HS6ST3: variants seen among roughly 807,000 people sequenced by gnomAD.
HS6ST3 encodes the protein heparan sulfate 6-O-sulfotransferase 3.
A neutral mutation model predicts 36.7 loss-of-function variants in HS6ST3; 12 were observed. The observed-to-expected ratio is 0.33, with a 90% CI of 0.21 to 0.53. The LOEUF is 0.53. HS6ST3 is among the 20% of genes least tolerant of loss of function. The pLI is 0.95. For missense variants in HS6ST3, 584 were observed against 640.9 expected (o/e 0.91, Z 0.96); for synonymous variants, 240 against 257.5 (o/e 0.93, Z 0.65).
rs138693567 is a variant in HS6ST3 at position 96,335,069 on chromosome 13, C to T, written c.707+243500C>T. On this transcript the variant is annotated intron_variant, in intron 1 of 1. Transcript: ENST00000376705. ...GGCTGGGGGCTGGTGGGCATCTTGA[C>T]CTCCCATGGAGGCTGAGGATCTTGT... Among the ~76,000 whole-genome samples, 502 of 152,190 alleles carry T rather than the reference C, an allele frequency of 3.3e-3. 3 individuals carry two copies. Among genetic ancestry groups the T allele is most frequent in the African/African-American group, 0.012 (481 of 41,532 alleles).
At chr13:96,107,568 A>G (rs1463477014) in intron 1 of HS6ST3, among the ~76,000 whole-genome samples, 15 of 152,132 alleles carry the variant, frequency 9.9e-5, no homozygotes. Flanking sequence ...CTGTGGGAAT[A>G]TAATTATTCT....
At chr13:96,633,808 T>A (rs2056540054) in intron 1 of HS6ST3, among the ~76,000 whole-genome samples, 1 of 152,136 alleles carries the variant, frequency 6.6e-6, no homozygotes, top group Non-Finnish European at 1.5e-5. Context: ...ACATTGTCCT[T>A]GGTTAGACAT....
intron 1 of HS6ST3, among the ~76,000 whole-genome samples, chr13:96,386,061 C>T (rs932297183): frequency 2.6e-5 from 4 of 151,916 alleles, no homozygotes; most frequent in African/African-American, 4.8e-5. Context: ...GAAATGAGGT[C>T]ATAAAAGAGG....
At position 96,108,230 on chromosome 13, in the gene HS6ST3, T is replaced by C. The variant is rs1352762099; in HGVS notation, c.707+16661T>C. On this transcript the variant is annotated intron_variant, in intron 1 of 1. Coordinates refer to ENST00000376705, the MANE Select transcript of HS6ST3 (RefSeq NM_153456.4). The stretch of plus-strand genomic sequence containing the variant: ...CTCTGGGAGTGTCTGCCTTATGCAG[T>C]TGTAGATAGGGATGAAACACACCCT... 2.6e-5 allele frequency among the ~76,000 whole-genome samples: 4 copies of C among 152,314 alleles called. No individual in the cohort carries two copies. The East Asian group carries it at 7.7e-4, about 29-fold the overall frequency.
intron 1 of HS6ST3, among the ~76,000 whole-genome samples, chr13:96,284,293 AT>A (rs1247962088): frequency 3.0e-4 from 46 of 152,154 alleles, no homozygotes; most frequent in Non-Finnish European, 5.9e-5. Context: ...AGGTCCCACA[AT>A]AGGCTGTCTG....
chr13:96,614,320 A>AAC (rs2056466621), intron 1 of HS6ST3, among the ~76,000 whole-genome samples: 1 of 148,574 alleles, frequency 6.7e-6, no homozygotes, highest in African/African-American at 2.6e-5. Flanking sequence ...AAAAAAAAAA[A>AAC]AAAAAAAACA....
chr13:96,690,512 A>G (rs1874926786), intron 1 of HS6ST3, among the ~76,000 whole-genome samples: 1 of 152,118 alleles, frequency 6.6e-6, no homozygotes, highest in African/African-American at 2.4e-5. Flanking sequence ...CAGGACCTGC[A>G]TGGATCATTC....
chr13:96,706,826 T>C (rs776777913), intron 1 of HS6ST3, among the ~76,000 whole-genome samples: 7 of 152,132 alleles, frequency 4.6e-5, no homozygotes, highest in Non-Finnish European at 8.8e-5. Context: ...GTTCTGATTG[T>C]ACCAATAGAT....
At chr13:96,458,031 C>T (rs530769755) in intron 1 of HS6ST3, among the ~76,000 whole-genome samples, 78 of 151,932 alleles carry the variant, frequency 5.1e-4, no homozygotes, top group African/African-American at 1.5e-3. Context: ...TTTTAGGAAC[C>T]GGGGAGGAAA....
intron 1 of HS6ST3, among the ~76,000 whole-genome samples, chr13:96,662,539 TGTG>T (rs2056650058): frequency 2.0e-5 from 3 of 151,720 alleles, no homozygotes; most frequent in Non-Finnish European, 4.4e-5. Flanking sequence ...TGTGTGTGTG[TGTG>T]TGTGTTGGTT....
rs1878837152 is a variant in HS6ST3 at position 96,832,855 on chromosome 13, G to A, written c.1073G>A (p.Arg358Lys). 2 of 1,614,046 alleles carry A rather than the reference G, an allele frequency of 1.2e-6. No homozygotes were observed. Among genetic ancestry groups the A allele is most frequent in the African/African-American group, 1.3e-5 (1 of 74,914 alleles). ...TTCTTTGGGCTCACTGAGTTCCAGA[G>A]GAAGACACAGTTTCTCTTTGAGAGA... ...MAFFGLTEFQ[R>K]KTQFLFERTF... The change falls in exon 2 of 2, where the codon AGG becomes AAG. Residue 358 changes from arginine to lysine, a missense_variant. Around this residue, in one of 3 missense-constraint regions of HS6ST3, gnomAD observed 360 missense variants for 411.3 expected, o/e 0.88. Transcript: ENST00000376705.
intron 1 of HS6ST3, among the ~76,000 whole-genome samples, chr13:96,409,690 A>G (rs1029195601): frequency 5.3e-5 from 8 of 152,210 alleles, no homozygotes; most frequent in African/African-American, 1.9e-4. Context: ...TCTCATATGA[A>G]TCATCTCTAA....
chr13:96,462,540 G>A (rs962365054), intron 1 of HS6ST3, among the ~76,000 whole-genome samples: 1 of 152,146 alleles, frequency 6.6e-6, no homozygotes. Context: ...AATATTGAAA[G>A]CATTCTTTTT....
At chr13:96,429,921 A>T (rs905501487) in intron 1 of HS6ST3, among the ~76,000 whole-genome samples, 1 of 152,210 alleles carries the variant, frequency 6.6e-6, no homozygotes, top group African/African-American at 2.4e-5. Context: ...TTTTACAGAA[A>T]TATTTTTCTA....
intron 1 of HS6ST3, among the ~76,000 whole-genome samples, chr13:96,356,938 C>A (rs578014800): frequency 1.3e-5 from 2 of 152,306 alleles, no homozygotes; most frequent in East Asian, 3.9e-4. Context: ...CTTAGCTAGA[C>A]CTTTTGGATA....
chr13:96,305,482 C>G (rs1022363733), intron 1 of HS6ST3, among the ~76,000 whole-genome samples: 18 of 152,220 alleles, frequency 1.2e-4, no homozygotes, highest in African/African-American at 4.3e-4. Context: ...ACAAATTATA[C>G]AATTTATGCT....
intron 1 of HS6ST3, among the ~76,000 whole-genome samples, chr13:96,619,214 G>A (rs1412540298): frequency 6.6e-6 from 1 of 152,144 alleles, no homozygotes; most frequent in Non-Finnish European, 1.5e-5. Flanking sequence ...AATAGACTTA[G>A]CCATGTGCCT....
intron 1 of HS6ST3, among the ~76,000 whole-genome samples, chr13:96,796,039 T>C (rs911304974): frequency 1.3e-5 from 2 of 152,156 alleles, no homozygotes; most frequent in Admixed American, 1.3e-4. Flanking sequence ...TAGTCCTTGA[T>C]GTCACCATTA....
intron 1 of HS6ST3, among the ~76,000 whole-genome samples, chr13:96,299,313 A>G (rs779204633): frequency 5.9e-5 from 9 of 152,220 alleles, no homozygotes; most frequent in Non-Finnish European, 1.2e-4. Context: ...CATCTAGCAC[A>G]ATGCTTTGCA....
Sources: gnomAD v4.1 joint callset for allele counts (sites outside exome capture counted in the v4.1 genomes callset) on GRCh38, gnomAD v4.1.1 for gene constraint, gnomAD v4.1.1 regional missense constraint, MANE v1.5 for transcripts, NCBI Gene and HGNC (gene_info 2026-07-23, HGNC 2026-07-21) for gene names.